FAM53A: variants seen among roughly 807,000 people sequenced by gnomAD.
FAM53A encodes protein FAM53A.
Under a neutral mutation model 26.6 loss-of-function variants are expected in FAM53A, and 28 were observed. That is an observed-to-expected ratio of 1.05 (90% CI 0.78 to 1.45). The LOEUF is 1.45. Among genes scored for constraint, FAM53A ranks in the 40% most tolerant of loss-of-function variants. FAM53A has a pLI of 0.00. For missense variants in FAM53A, 650 were observed against 575.8 expected (o/e 1.13, Z -1.32); for synonymous variants, 290 against 253.1 (o/e 1.15, Z -1.38).
chr4:1,623,615 TC>T (rs1037718609), intron 1 of FAM53A, among the ~76,000 whole-genome samples: 9 of 152,154 alleles, frequency 5.9e-5, no homozygotes, highest in Non-Finnish European at 1.2e-4. Context: ...CCAAGTGCCA[TC>T]CGTCAGCAGA....
intron 1 of FAM53A, among the ~76,000 whole-genome samples, chr4:1,669,817 A>T (rs574662739): frequency 6.6e-6 from 1 of 152,324 alleles, no homozygotes; most frequent in Admixed American, 6.5e-5. Flanking sequence ...ACCCTCAAAA[A>T]GGAACTTCCA....
chr4:1,594,200 C>T, the FAM53A span, among the ~76,000 whole-genome samples: 6 of 152,228 alleles, frequency 3.9e-5, no homozygotes, highest in Admixed American at 6.5e-5. Context: ...GCGGCCCCGC[C>T]TCCAGCGGCC....
At chr4:1,597,779 T>A in the FAM53A span, among the ~76,000 whole-genome samples, 1 of 152,204 alleles carries the variant, frequency 6.6e-6, no homozygotes, top group Non-Finnish European at 1.5e-5. Flanking sequence ...GCAGATCACA[T>A]GAGGTCAGGA....
chr4:1,667,787 C>T (rs922532300), intron 2 of FAM53A, among the ~76,000 whole-genome samples: 4 of 152,210 alleles, frequency 2.6e-5, no homozygotes, highest in Admixed American at 1.3e-4. Flanking sequence ...GGCAGGCGCT[C>T]CAAGCACCCC....
chr4:1,633,837 T>TA (rs1333267231), intron 1 of FAM53A, among the ~76,000 whole-genome samples: 2 of 151,166 alleles, frequency 1.3e-5, no homozygotes, highest in African/African-American at 2.4e-5. Flanking sequence ...AGAATTAACT[T>TA]AAAGAGGTTT....
chr4:1,625,086 G>A (rs111997846), intron 1 of FAM53A, among the ~76,000 whole-genome samples: 4 of 101,994 alleles, frequency 3.9e-5, no homozygotes, highest in South Asian at 3.6e-4. Flanking sequence ...TCAGGGTCAC[G>A]CCAGGTGATC....
At chr4:1,625,064 C>T (rs1446641063) in intron 1 of FAM53A, among the ~76,000 whole-genome samples, 1 of 134,600 alleles carries the variant, frequency 7.4e-6, no homozygotes, top group African/African-American at 3.2e-5. Context: ...CCCCACGTCC[C>T]GGCCCACGTG....
At chr4:1,676,156 G>A (rs1255368876) in intron 1 of FAM53A, among the ~76,000 whole-genome samples, 2 of 152,228 alleles carry the variant, frequency 1.3e-5, no homozygotes, top group Non-Finnish European at 2.9e-5. Context: ...GGACAGAAAC[G>A]CACTGGCCAG....
At position 1,655,287 on chromosome 4, in the gene FAM53A, G is replaced by A. The variant is rs768581650; in HGVS notation, c.573C>T (p.Ser191=). The A allele has an allele frequency of 1.5e-5, 22 of 1,425,400 alleles. No homozygotes were observed. The highest frequency in any genetic ancestry group is 9.2e-5 in the Admixed American group (3 of 32,462). The allele number at this position is 1,425,400 out of a possible 1,614,324, so 88.3% of individuals were successfully genotyped here. A position where few individuals can be genotyped will look rare whatever the true frequency, so the allele number is the denominator to read the frequency against. The change falls in exon 4 of 5, where the codon AGC becomes AGT. Residue 191 remains serine, a synonymous_variant. Transcript: ENST00000308132. ...SPATPRPSSA[S]GGFVDSSEGS... is the part of the protein sequence containing the mutation. ...CCTCGCTGCTGTCCACGAAGCCGCCGCTGGCGGAGGACGGCCGGGGCGTGG... is the reference window on the plus strand; with the variant it reads ...CCTCGCTGCTGTCCACGAAGCCGCCACTGGCGGAGGACGGCCGGGGCGTGG...
chr4:1,583,681 C>A, the FAM53A span, among the ~76,000 whole-genome samples: 1 of 152,244 alleles, frequency 6.6e-6, no homozygotes, highest in Admixed American at 6.5e-5. Flanking sequence ...CCGCCTGATA[C>A]CTGTCCCTCC....
chr4:1,592,012 C>T, the FAM53A span, among the ~76,000 whole-genome samples: 1 of 152,132 alleles, frequency 6.6e-6, no homozygotes, highest in African/African-American at 2.4e-5. Context: ...CACCCCAGAC[C>T]ACAGGCTGAG....
intron 4 of FAM53A, among the ~76,000 whole-genome samples, chr4:1,653,890 T>C (rs948916897): frequency 6.6e-6 from 1 of 152,228 alleles, no homozygotes; most frequent in Admixed American, 6.5e-5. Context: ...GGGCCATCTG[T>C]GCCCCTTCTC....
At chr4:1,576,440 T>C in the FAM53A span, among the ~76,000 whole-genome samples, 2 of 152,188 alleles carry the variant, frequency 1.3e-5, no homozygotes, top group Admixed American at 6.5e-5. Context: ...CAGCGACGTG[T>C]CCTGATAAAA....
At chr4:1,647,831 C>T (rs910408814) in intron 4 of FAM53A, among the ~76,000 whole-genome samples, 8 of 152,222 alleles carry the variant, frequency 5.3e-5, no homozygotes, top group African/African-American at 1.4e-4. Flanking sequence ...ACTAATTGTC[C>T]GGTAACACAC....
chr4:1,637,125 G>A (rs567005334), downstream of FAM53A, among the ~76,000 whole-genome samples: 5 of 152,166 alleles, frequency 3.3e-5, no homozygotes, highest in East Asian at 5.8e-4. Flanking sequence ...ACAAGCTCTC[G>A]GCACAGGGAG....
At chr4:1,633,129 T>C (rs188746431) in intron 1 of FAM53A, among the ~76,000 whole-genome samples, 1,846 of 151,250 alleles carry the variant, frequency 0.012, 31 homozygotes, top group African/African-American at 0.043. Flanking sequence ...TAGGTACTCA[T>C]GCTCACACAC....
chr4:1,636,866 T>G (rs575817162), downstream of FAM53A, among the ~76,000 whole-genome samples: 7 of 151,062 alleles, frequency 4.6e-5, no homozygotes, highest in South Asian at 2.1e-4. Context: ...GGAGGAGAGC[T>G]GAAATTCCTG....
chr4:1,623,396 C>A (rs960452842), intron 1 of FAM53A, among the ~76,000 whole-genome samples: 3 of 150,574 alleles, frequency 2.0e-5, no homozygotes, highest in Non-Finnish European at 2.9e-5. Flanking sequence ...GTTGCGTTTC[C>A]GGCCCCCGAG....
At chr4:1,619,298 G>A (rs75476553) in intron 1 of FAM53A, among the ~76,000 whole-genome samples, 92 of 152,364 alleles carry the variant, frequency 6.0e-4, no homozygotes, top group African/African-American at 2.2e-3. Flanking sequence ...CGGAGCTGGA[G>A]AGGGAACGGC....
Sources: gnomAD v4.1 joint callset for allele counts (sites outside exome capture counted in the v4.1 genomes callset) on GRCh38, gnomAD v4.1.1 for gene constraint, MANE v1.5 for transcripts, NCBI Gene and HGNC (gene_info 2026-07-23, HGNC 2026-07-21) for gene names.